Variants in LDLRAD4 observed in about 807,000 individuals in gnomAD.
LDLRAD4 encodes low-density lipoprotein receptor class A domain-containing protein 4.
A neutral mutation model predicts 17.0 loss-of-function variants in LDLRAD4; 5 were observed. That is an observed-to-expected ratio of 0.29 (90% confidence interval 0.15 to 0.62). The LOEUF (loss-of-function observed/expected upper bound fraction) is 0.62. LDLRAD4 is among the 20% of genes least tolerant of loss of function. The probability of loss-of-function intolerance (pLI) is 0.84; values close to 1 mark genes in which losing one functional copy is unlikely to be tolerated. For synonymous variants in LDLRAD4, 168 were observed against 171.8 expected, an observed-to-expected ratio of 0.98 and a Z score of 0.17; for missense variants, 340 against 424.7, an observed-to-expected ratio of 0.80 and a Z score of 1.75.
intron 1 of LDLRAD4, among the ~76,000 whole-genome samples, chr18:13,248,384 T>C (rs2043072183): frequency 6.6e-6 from 1 of 152,248 alleles, no homozygotes; most frequent in Non-Finnish European, 1.5e-5. Context: ...GTGTCACCTC[T>C]GGATGCCCAG....
At chr18:13,611,402 G>A (rs1210418315) in intron 3 of LDLRAD4, 5 of 964,302 alleles carry the variant, frequency 5.2e-6, no homozygotes, top group East Asian at 1.2e-4. Flanking sequence ...TTTCCACCAC[G>A]GCCACCCCGT....
intron 3 of LDLRAD4, among the ~76,000 whole-genome samples, chr18:13,504,890 C>T (rs936740535): frequency 2.0e-5 from 3 of 152,204 alleles, no homozygotes; most frequent in Admixed American, 1.3e-4. Context: ...GGAATATCCA[C>T]CCTTAGTAAG....
At chr18:13,315,783 T>TAAA (rs78099800) in intron 1 of LDLRAD4, among the ~76,000 whole-genome samples, 3,314 of 85,774 alleles carry the variant, frequency 0.039, 120 homozygotes, top group African/African-American at 0.11. Flanking sequence ...AAACTCCGTC[T>TAAA]AAAAAAAAAA....
chr18:13,270,208 T>A (rs1220237866), intron 1 of LDLRAD4, among the ~76,000 whole-genome samples: 2 of 151,954 alleles, frequency 1.3e-5, no homozygotes, highest in East Asian at 3.9e-4. Context: ...ACAAAAATTT[T>A]AAAAATTAGC....
chr18:13,363,105 C>T (rs1599681828), intron 1 of LDLRAD4, among the ~76,000 whole-genome samples: 2 of 151,550 alleles, frequency 1.3e-5, no homozygotes, highest in South Asian at 2.1e-4. Context: ...CAGAGGCGGG[C>T]GGATCACGAG....
At chr18:13,434,799 A>G (rs964620038) in intron 2 of LDLRAD4, among the ~76,000 whole-genome samples, 13 of 152,382 alleles carry the variant, frequency 8.5e-5, no homozygotes, top group Admixed American at 2.0e-4. Context: ...GTAAATTAGC[A>G]AATACCAAAT....
intron 2 of LDLRAD4, among the ~76,000 whole-genome samples, chr18:13,388,126 C>G (rs900644522): frequency 1.3e-5 from 2 of 152,120 alleles, no homozygotes; most frequent in East Asian, 1.9e-4. Context: ...GAAGATTCTC[C>G]GAGGGAAAAG....
At chr18:13,326,951 C>T (rs781625744) in intron 1 of LDLRAD4, among the ~76,000 whole-genome samples, 3 of 152,144 alleles carry the variant, frequency 2.0e-5, no homozygotes, top group Non-Finnish European at 2.9e-5. Context: ...TGTAAAATAG[C>T]AGGTGCTGAC....
intron 2 of LDLRAD4, among the ~76,000 whole-genome samples, chr18:13,424,889 G>A (rs2089800362): frequency 6.6e-6 from 1 of 152,210 alleles, no homozygotes; most frequent in Non-Finnish European, 1.5e-5. Context: ...ATGGCGAAGG[G>A]CACGTATGCC....
chr18:13,456,730 T>C (rs2092155191), intron 3 of LDLRAD4, among the ~76,000 whole-genome samples: 1 of 152,222 alleles, frequency 6.6e-6, no homozygotes, highest in Admixed American at 6.5e-5. Context: ...TTTATATAAA[T>C]AGAAATGGGA....
rs1338740640 is a variant in LDLRAD4, at chr18:13,328,590, C to T, written c.-383+50402C>T. On this transcript the variant is annotated intron_variant, in intron 1 of 5. Transcript: ENST00000359446. ...TTCTTCAGCTGATATGTCCTTATCC[C>T]ATGTAGAAGGAAGGATCTTAGTGTT... Among the ~76,000 whole-genome samples, 4 of 152,290 alleles carry T rather than the reference C, an allele frequency of 2.6e-5. No individual in the cohort carries two copies. The South Asian group carries it at 8.3e-4, about 32-fold the overall frequency.
rs375954395 is a variant in LDLRAD4 at position 13,457,015 on chromosome 18, A to G, written c.181+18631A>G. 3.3e-5 allele frequency among the ~76,000 whole-genome samples: 5 copies of G among 152,338 alleles called. No individual in the cohort carries two copies. The East Asian group carries it at 7.7e-4, about 23-fold the overall frequency. On this transcript the variant is annotated intron_variant, in intron 3 of 5. Transcript: ENST00000359446. ...GTGAGAGCAGAGAACAGTCATCCAC[A>G]TAGAAGAACACTTCTGTGGCCTAGT...
At chr18:13,242,309 A>T (rs1350385284) in intron 1 of LDLRAD4, among the ~76,000 whole-genome samples, 1 of 152,182 alleles carries the variant, frequency 6.6e-6, no homozygotes, top group Non-Finnish European at 1.5e-5. Context: ...GCATTTTCCA[A>T]TTAAAGGTTA....
chr18:13,404,549 G>A (rs2087542648), intron 2 of LDLRAD4, among the ~76,000 whole-genome samples: 1 of 152,138 alleles, frequency 6.6e-6, no homozygotes, highest in African/African-American at 2.4e-5. Flanking sequence ...TGTAATCCCA[G>A]CACCTTGGGA....
intron 2 of LDLRAD4, among the ~76,000 whole-genome samples, chr18:13,404,187 C>T (rs534210890): frequency 4.3e-4 from 66 of 152,366 alleles, no homozygotes; most frequent in African/African-American, 1.6e-3. Context: ...GGATGGAACC[C>T]TTCCTTGAGC....
At chr18:13,225,431 G>T (rs573958592) in intron 1 of LDLRAD4, among the ~76,000 whole-genome samples, 1 of 152,344 alleles carries the variant, frequency 6.6e-6, no homozygotes, top group East Asian at 1.9e-4. Context: ...ATGTTGCAGG[G>T]CATTTCTGAG....
chr18:13,554,332 C>A (rs1284415), intron 3 of LDLRAD4, among the ~76,000 whole-genome samples: 83,364 of 151,922 alleles, frequency 0.55, 23,292 homozygotes, highest in Middle Eastern at 0.61. Context: ...CAGAAGGTAA[C>A]TGACTAGTTG....
At chr18:13,526,716 A>G (rs1225804376) in intron 3 of LDLRAD4, 2 of 152,234 alleles carry the variant, frequency 1.3e-5, no homozygotes, top group Admixed American at 1.3e-4. Context: ...TTTCATCTTT[A>G]TCGCATCCTC....
At chr18:13,554,250 A>G (rs55904433) in intron 3 of LDLRAD4, among the ~76,000 whole-genome samples, 8,797 of 152,208 alleles carry the variant, frequency 0.058, 583 homozygotes, top group African/African-American at 0.16. Flanking sequence ...AACTAAAAAT[A>G]TAATTTTCAA....
Sources: allele counts gnomAD v4.1 joint callset (sites outside exome capture counted in the v4.1 genomes callset), GRCh38; gene constraint gnomAD v4.1.1; transcripts MANE v1.5; gene names NCBI Gene and HGNC (gene_info 2026-07-23, HGNC 2026-07-21).